The following UBN1 variants were observed in gnomAD, a reference collection of about 807,000 sequenced individuals.
UBN1 encodes ubinuclein-1.
A neutral mutation model predicts 108.5 loss-of-function variants in UBN1; 17 were observed. The ratio of observed to expected loss-of-function variants is 0.16; its 90% CI spans 0.11 to 0.24. The LOEUF (loss-of-function observed/expected upper bound fraction) is 0.24. Among genes scored for constraint, UBN1 ranks in the 10% least tolerant of loss-of-function variants. UBN1 has a pLI of 1.00. For synonymous variants in UBN1, 726 were observed against 564.2 expected, an observed-to-expected ratio of 1.29 and a Z score of -4.07; for missense variants, 1,595 against 1,394.4, an observed-to-expected ratio of 1.14 and a Z score of -2.29.
At position 4,858,443 on chromosome 16, in the gene UBN1, T is replaced by C; in HGVS notation, c.337-125T>C. 2.0e-5 allele frequency: 16 copies of C among 793,848 alleles called. No individual in the cohort carries two copies. The South Asian group carries it at 2.5e-4, about 12-fold the overall frequency. The allele number at this position is 793,848 out of a possible 1,614,324, so 49.2% of individuals were successfully genotyped here. A position where few individuals can be genotyped will look rare whatever the true frequency, so the allele number is the denominator to read the frequency against. ...AAGGAGGTTTTGGGGTTTGTGTGTA[T>C]GTGAGAGAGTGACTGTTTTAGTTAG... On this transcript the variant is annotated intron_variant, in intron 3 of 17. Coordinates refer to ENST00000262376, the MANE Select transcript of UBN1 (RefSeq NM_001079514.3).
intron 1 of UBN1, chr16:4,852,330 G>GA (rs1327483212): frequency 1.3e-5 from 2 of 152,222 alleles, no homozygotes; most frequent in African/African-American, 4.8e-5. Context: ...GTTTGGGTGT[G>GA]AGAGTGGTGC....
At position 4,880,641 on chromosome 16, in the gene UBN1, C is replaced by G. The variant is rs1343467200; in HGVS notation, c.*509C>G. ...CAGGCCAGAGCCACAGCTGGGAGACCTGCACTGTCCCTGCGAAATACTAAG... is the reference window on the plus strand; with the variant it reads ...CAGGCCAGAGCCACAGCTGGGAGACGTGCACTGTCCCTGCGAAATACTAAG... On this transcript the variant is annotated 3_prime_UTR_variant, in exon 18 of 18. Transcript: ENST00000262376. 2 of 161,232 alleles carry G rather than the reference C, an allele frequency of 1.2e-5. No homozygotes were observed. The highest frequency in any genetic ancestry group is 3.3e-4 in the East Asian group (2 of 6,026). The allele number at this position is 161,232 out of a possible 1,614,324, so 10.0% of individuals were successfully genotyped here.
intron 7 of UBN1, among the ~76,000 whole-genome samples, chr16:4,862,764 C>A (rs1281157086): frequency 1.3e-5 from 2 of 152,214 alleles, no homozygotes; most frequent in Admixed American, 1.3e-4. Flanking sequence ...TTAGTGGCAA[C>A]AGAATGACAT....
chr16:4,858,177 G>T (rs1432905021), intron 3 of UBN1, 101 bp downstream of exon 3: 1 of 819,942 alleles, frequency 1.2e-6, no homozygotes, highest in East Asian at 2.5e-5. Flanking sequence ...CACTGATCTG[G>T]AAGTAAGCCT....
At position 4,874,992 on chromosome 16, in the gene UBN1, C is replaced by A; in HGVS notation, c.2582C>A (p.Thr861Asn). 1.9e-6 allele frequency: 3 copies of A among 1,614,130 alleles called. No individual in the cohort carries two copies. The highest frequency in any genetic ancestry group is 2.2e-5 in the East Asian group (1 of 44,892). The change falls in exon 15 of 18, where the codon ACC becomes AAC. Residue 861 changes from threonine (T) to asparagine (N), a missense_variant. Physicochemically the swap from Thr to Asn is moderately conservative, Grantham distance 65. Transcript: ENST00000262376. Reference protein sequence around the residue: ...GQGFHPSAPATSGGLSASSSS... With the variant: ...GQGFHPSAPANSGGLSASSSS... ...GGCTTCCATCCCTCTGCACCAGCCA[C>A]CTCAGGAGGCCTGTCAGCCTCCAGC... is the stretch of plus-strand genomic sequence containing the variant.
Position 4,864,900 on chromosome 16 carries a change from A to T in UBN1, c.1110+3798A>T, listed in dbSNP as rs74003521. The stretch of plus-strand genomic sequence containing the variant: ...CGAAAACAACTTGTTTGATCTTTTT[A>T]AAAAAAATCATGCCCGATTTTCTCC... On this transcript the variant is annotated intron_variant, in intron 7 of 17. Coordinates refer to ENST00000262376, the MANE Select transcript of UBN1 (RefSeq NM_001079514.3). Among the ~76,000 whole-genome samples, 373 of 152,148 alleles carry T rather than the reference A, an allele frequency of 2.5e-3. 1 individual carries two copies. Among genetic ancestry groups the T allele is most frequent in the African/African-American group, 8.2e-3 (342 of 41,516 alleles).
intron 4 of UBN1, 83 bp from the exon 5 acceptor site, chr16:4,858,942 G>C: frequency 6.5e-7 from 1 of 1,538,522 alleles, no homozygotes; most frequent in Non-Finnish European, 8.8e-7. Context: ...GAGGAGCACA[G>C]TCACATCTCT....
At position 4,860,850 on chromosome 16, in the gene UBN1, T is replaced by C. The variant is rs772691383; in HGVS notation, c.858T>C (p.Ser286=). The change falls in exon 7 of 18, where the codon TCT becomes TCC. Residue 286 remains serine, a synonymous_variant. Transcript: ENST00000262376. ...GCCTGCGGGAACTGGAGGGTGCCTC[T>C]GACCCCTTGCTCTCACTCTTTGGCT... ...AQGLRELEGA[S]DPLLSLFGST... The C allele has an allele frequency of 6.2e-6, 10 of 1,614,282 alleles. No individual in the cohort carries two copies. The highest frequency in any genetic ancestry group is 3.3e-5 in the Admixed American group (2 of 60,030).
intron 1 of UBN1, among the ~76,000 whole-genome samples, chr16:4,849,345 A>C (rs979571782): frequency 7.9e-5 from 12 of 152,176 alleles, no homozygotes; most frequent in African/African-American, 2.2e-4. Context: ...CCTATTTTGA[A>C]AACAAAAACA....
In UBN1 at chr16:4,875,086, C is replaced by T. The variant is rs949075284; in HGVS notation, c.2676C>T (p.Val892=). The part of the protein sequence containing the change: ...ALSHPAKPHS[V]SSAGSSYKNN... ...GCCATCCAGCAAAGCCACATTCAGT[C>T]AGCTCTGCAGGCTCATCTTACAAGA... The change falls in exon 15 of 18, where the codon GTC becomes GTT. Residue 892 remains valine, a synonymous_variant. Transcript: ENST00000262376. The T allele has an allele frequency of 1.9e-6, 3 of 1,614,030 alleles. No homozygotes were observed. Among genetic ancestry groups the T allele is most frequent in the Non-Finnish European group, 2.5e-6 (3 of 1,180,066 alleles).
intron 7 of UBN1, among the ~76,000 whole-genome samples, chr16:4,861,471 G>A (rs1042903582): frequency 4.6e-5 from 7 of 152,236 alleles, no homozygotes; most frequent in Non-Finnish European, 1.0e-4. Context: ...CGAAGGTTTT[G>A]CAAATTCACA....
At chr16:4,858,117 T>C (rs755951388) in intron 3 of UBN1, 41 bp downstream of exon 3, 1 of 1,354,444 alleles carries the variant, frequency 7.4e-7, no homozygotes, top group Non-Finnish European at 1.1e-6. Flanking sequence ...CCTCATTGGG[T>C]GGGAGACGTT....
In UBN1 at chr16:4,875,258, G is replaced by C. The variant is rs557466285; in HGVS notation, c.2848G>C (p.Val950Leu). 6 of 1,614,096 alleles carry C rather than the reference G, an allele frequency of 3.7e-6. No individual in the cohort carries two copies. In the African/African-American group the frequency reaches 4.0e-5, roughly 11 times the overall value. The change falls in exon 15 of 18, where the codon GTC becomes CTC. Residue 950 changes from valine (V) to leucine (L), a missense_variant. Transcript: ENST00000262376. ...CGTGGGACAGGCCACCAGCCGACCC[G>C]TCCCAAGTTCAGCAGGGAAAAAAAT... Reference protein sequence around the residue: ...PSVGQATSRPVPSSAGKKMPV... With the variant: ...PSVGQATSRPLPSSAGKKMPV...
At chr16:4,876,833 G>C in intron 15 of UBN1, 38 bp from the exon 16 acceptor site, 2 of 1,549,808 alleles carry the variant, frequency 1.3e-6, no homozygotes, top group South Asian at 1.3e-5. Context: ...CCACGAACAG[G>C]ACTGGAGTTC....
rs528697141 is a variant in UBN1 at position 4,874,994 on chromosome 16, T to C, written c.2584T>C (p.Ser862Pro). 1 of 1,614,094 alleles carries C rather than the reference T, an allele frequency of 6.2e-7. No homozygotes were observed. Among genetic ancestry groups the C allele is most frequent in the South Asian group, 1.1e-5 (1 of 91,084 alleles). ...QGFHPSAPAT[S>P]GGLSASSSSS... ...CTTCCATCCCTCTGCACCAGCCACC[T>C]CAGGAGGCCTGTCAGCCTCCAGCAG... The change falls in exon 15 of 18, where the codon TCA becomes CCA. Residue 862 changes from serine to proline, a missense_variant. Around this residue, in one of 3 missense-constraint regions of UBN1, gnomAD observed 1,398 missense variants for 1,194.7 expected, o/e 1.17. Transcript: ENST00000262376.
In UBN1 at chr16:4,877,082, C is replaced by T; in HGVS notation, c.3236C>T (p.Pro1079Leu). The T allele has an allele frequency of 6.2e-7, 1 of 1,613,194 alleles. No individual in the cohort carries two copies. Among genetic ancestry groups the T allele is most frequent in the Non-Finnish European group, 8.5e-7 (1 of 1,179,554 alleles). ...SKDAIVTGPAPGSFHHGLGHS... is the reference protein window; with the variant it reads ...SKDAIVTGPALGSFHHGLGHS... ...GATGCCATCGTCACAGGCCCTGCCC[C>T]CGGGTCCTTCCACCATGGCCTTGGC... Residue 1079 changes from proline to leucine, a missense_variant, in exon 16 of 18, where the codon CCC becomes CTC. By Grantham distance (98) the Pro-to-Leu change is moderately conservative (BLOSUM62 -3). Transcript: ENST00000262376. This position sits in a 1 kb window ranked among gnomAD's most constrained non-coding sequence, Gnocchi z 4.3.
At chr16:4,853,769 C>A (rs1050351365) in intron 2 of UBN1, among the ~76,000 whole-genome samples, 2 of 152,042 alleles carry the variant, frequency 1.3e-5, no homozygotes, top group African/African-American at 4.8e-5. Flanking sequence ...ACTGTGTTGG[C>A]CAGGCTGGTC....
chr16:4,871,897 T>C (rs2087661009), intron 12 of UBN1, among the ~76,000 whole-genome samples: 1 of 152,190 alleles, frequency 6.6e-6, no homozygotes, highest in Non-Finnish European at 1.5e-5. Context: ...CACTTCCTGT[T>C]TTAACATACA....
intron 1 of UBN1, among the ~76,000 whole-genome samples, chr16:4,851,296 C>T (rs961481576): frequency 6.6e-6 from 1 of 152,098 alleles, no homozygotes; most frequent in Admixed American, 6.6e-5. Context: ...AAAACAACGT[C>T]CCTACAAAAA....
Sources: allele counts gnomAD v4.1 joint callset (sites outside exome capture counted in the v4.1 genomes callset), GRCh38; gene constraint gnomAD v4.1.1; regional missense constraint gnomAD v4.1.1; non-coding constraint Gnocchi (gnomAD v3.1); transcripts MANE v1.5; gene names NCBI Gene and HGNC (gene_info 2026-07-23, HGNC 2026-07-21).